PCDHA2: variants seen among roughly 807,000 people sequenced by gnomAD.
The protein encoded by PCDHA2 is protocadherin alpha 2, also known as protocadherin alpha-2.
In PCDHA2, 58 loss-of-function variants were observed where a neutral mutation model predicts 66.0. That is an observed-to-expected ratio of 0.88 (90% CI 0.71 to 1.09). The LOEUF is 1.09. PCDHA2 is among the 50% of genes least tolerant of loss of function. The pLI, the probability that PCDHA2 is intolerant of heterozygous loss-of-function variation, is 0.00. For synonymous variants in PCDHA2, 634 were observed against 554.0 expected (o/e 1.14, Z -2.03); for missense variants, 1,267 against 1,242.3 (o/e 1.02, Z -0.30).
intron 3 of PCDHA2, among the ~76,000 whole-genome samples, chr5:141,007,036 A>G (rs1018909399): frequency 4.6e-5 from 7 of 152,200 alleles, no homozygotes; most frequent in African/African-American, 1.4e-4. Context: ...ATTTATATCT[A>G]TGGATATGGC....
chr5:140,946,916 T>C (rs1554217963), intron 1 of PCDHA2, among the ~76,000 whole-genome samples: 4 of 151,468 alleles, frequency 2.6e-5, no homozygotes, highest in Non-Finnish European at 5.9e-5. Context: ...GTTCTGGTGT[T>C]TTATTGAACA....
intron 1 of PCDHA2, chr5:140,876,840 G>C: frequency 6.2e-7 from 1 of 1,614,166 alleles, no homozygotes; most frequent in Non-Finnish European, 8.5e-7. Flanking sequence ...CTGCGTTCGC[G>C]CAGCCCGAGT....
At chr5:140,870,481 A>C (rs1329928274) in intron 1 of PCDHA2, 1 of 1,614,210 alleles carries the variant, frequency 6.2e-7, no homozygotes, top group East Asian at 2.2e-5. Context: ...GCCCGAGTAC[A>C]CCGTGTTCGT....
chr5:140,812,885 GA>G (rs1466050277), intron 1 of PCDHA2: 1 of 152,092 alleles, frequency 6.6e-6, no homozygotes, highest in African/African-American at 2.4e-5. Context: ...TCATTCAAAT[GA>G]AATTTTGAAC....
At position 140,877,303 on chromosome 5, in the gene PCDHA2, T is replaced by C. The variant is rs566187421; in HGVS notation, c.2388+79951T>C. 3.5e-4 allele frequency: 564 copies of C among 1,613,850 alleles called. 6 individuals are homozygous for C. In the South Asian group the frequency reaches 5.9e-3, roughly 17 times the overall value. On this transcript the variant is annotated intron_variant, in intron 1 of 3. Transcript: ENST00000526136. ...CTATAACGCTTGGCTGTCCTACGAGTTGCAACCGGCGGCGGTCGGCGCGCA... is the reference window on the plus strand; with the variant it reads ...CTATAACGCTTGGCTGTCCTACGAGCTGCAACCGGCGGCGGTCGGCGCGCA...
chr5:140,976,952 C>T lies in PCDHA2; in HGVS notation c.2389-1997C>T, dbSNP rs183824. 1.8e-3 allele frequency among the ~76,000 whole-genome samples: 271 copies of T among 152,298 alleles called. 1 individual carries two copies. Among genetic ancestry groups the T allele is most frequent in the African/African-American group, 6.2e-3 (258 of 41,574 alleles). The stretch of plus-strand genomic sequence containing the variant: ...GTAGCTACTTAAAACATATTATATG[C>T]TTTCTTCCTTTCCTTTTCCCTGCCT... On this transcript the variant is annotated intron_variant, in intron 1 of 3. Coordinates refer to ENST00000526136, the MANE Select transcript of PCDHA2 (RefSeq NM_018905.3).
Position 140,932,319 on chromosome 5 carries a change from G to A in PCDHA2, c.2389-46630G>A, listed in dbSNP as rs60286116. Among the ~76,000 whole-genome samples the A allele has an allele frequency of 3.3e-3, 499 of 151,902 alleles. 2 individuals are homozygous for A. The highest frequency in any genetic ancestry group is 0.012 in the African/African-American group (480 of 41,512). ...TTTTTAAAGGTATAAATATATTAATGTAGCAAAAATGCATGAAACACTTAC... is the reference window on the plus strand; with the variant it reads ...TTTTTAAAGGTATAAATATATTAATATAGCAAAAATGCATGAAACACTTAC... On this transcript the variant is annotated intron_variant, in intron 1 of 3. Transcript: ENST00000526136.
chr5:140,858,703 T>C lies in PCDHA2; in HGVS notation c.2388+61351T>C, dbSNP rs918251691. 1.1e-5 allele frequency: 6 copies of C among 560,482 alleles called. 2 individuals carry two copies. The highest frequency in any genetic ancestry group is 1.8e-5 in the Non-Finnish European group (6 of 325,182). 34.7% of individuals were successfully genotyped at this position (560,482 alleles called of 1,614,324 possible). ...ACACTAATATTTTCCAATACAAATATGTGATATAGGTTGCAGTTCTGACGA... is the reference window on the plus strand; with the variant it reads ...ACACTAATATTTTCCAATACAAATACGTGATATAGGTTGCAGTTCTGACGA... On this transcript the variant is annotated intron_variant, in intron 1 of 3. Coordinates refer to ENST00000526136, the MANE Select transcript of PCDHA2 (RefSeq NM_018905.3).
chr5:140,852,008 A>G (rs566042388), intron 1 of PCDHA2: 1 of 972,776 alleles, frequency 1.0e-6, no homozygotes, highest in South Asian at 4.8e-5. Flanking sequence ...TTTCTAATTT[A>G]TAGTTTTAAA....
At position 140,978,971 on chromosome 5, in the gene PCDHA2, G is replaced by T. The variant is rs782774245; in HGVS notation, c.2411G>T (p.Trp804Leu). Residue 804 changes from tryptophan (W) to leucine (L), a missense_variant, in exon 2 of 4, where the codon TGG becomes TTG. Physicochemically the swap from Trp to Leu is moderately conservative, Grantham distance 61 (BLOSUM62 -2). Coordinates refer to ENST00000526136, the MANE Select transcript of PCDHA2 (RefSeq NM_018905.3). ...VGKPRQPNPD[W>L]RYSASLRAGM... is the part of the protein sequence containing the mutation. ...CAGCCACGACAGCCCAACCCTGACT[G>T]GCGTTACTCTGCCTCCCTGAGAGCA... The T allele has an allele frequency of 6.2e-7, 1 of 1,614,170 alleles. No individual in the cohort carries two copies. The highest frequency in any genetic ancestry group is 1.1e-5 in the South Asian group (1 of 91,076).
chr5:140,798,352 T>C (rs1312436439), intron 1 of PCDHA2, among the ~76,000 whole-genome samples: 1 of 152,204 alleles, frequency 6.6e-6, no homozygotes, highest in Non-Finnish European at 1.5e-5. Flanking sequence ...TGATAACATT[T>C]TTGAGTTATC....
At chr5:140,875,508 G>A (rs1007736035) in intron 1 of PCDHA2, 19 of 1,613,588 alleles carry the variant, frequency 1.2e-5, no homozygotes, top group Non-Finnish European at 1.6e-5. Flanking sequence ...CGGGATCCCA[G>A]CGTCTGCTGC....
chr5:140,973,388 G>T (rs1192097180), intron 1 of PCDHA2, among the ~76,000 whole-genome samples: 4 of 152,202 alleles, frequency 2.6e-5, no homozygotes, highest in South Asian at 4.1e-4. Flanking sequence ...AATAGACAAA[G>T]AAATCATATC....
At chr5:140,979,738 G>T (rs754559318) in intron 2 of PCDHA2, among the ~76,000 whole-genome samples, 10 of 152,194 alleles carry the variant, frequency 6.6e-5, no homozygotes, top group East Asian at 1.9e-4. Context: ...CCAAATAAAA[G>T]ATTCATTATT....
intron 1 of PCDHA2, chr5:140,869,225 A>G (rs2050944514): frequency 6.2e-7 from 1 of 1,613,790 alleles, no homozygotes; most frequent in African/African-American, 1.3e-5. Flanking sequence ...GAGGCCAAAC[A>G]CGGCACCTTC....
rs1222151692 is a variant in PCDHA2 at position 140,794,895 on chromosome 5, CAG to C, written c.-66_-65del. Reference sequence around the variant, plus strand: ...AATAAGAGAAGCAGCAGGACTTTAACAGAGACTAGAATATTTAAATTTTTGCA... The same window carrying C: ...AATAAGAGAAGCAGCAGGACTTTAACAGACTAGAATATTTAAATTTTTGCA... On this transcript the variant is annotated 5_prime_UTR_variant, in exon 1 of 4. Coordinates refer to ENST00000526136, the MANE Select transcript of PCDHA2 (RefSeq NM_018905.3). 2.6e-5 allele frequency: 38 copies of C among 1,474,750 alleles called. No individual in the cohort carries two copies. The African/African-American group carries it at 5.1e-4, about 20-fold the overall frequency. The allele number at this position is 1,474,750 out of a possible 1,614,324, so 91.4% of individuals were successfully genotyped here. A position where few individuals can be genotyped will look rare whatever the true frequency, so the allele number is the denominator to read the frequency against.
chr5:140,972,391 C>T (rs1554234093), intron 1 of PCDHA2, among the ~76,000 whole-genome samples: 3 of 151,490 alleles, frequency 2.0e-5, no homozygotes, highest in African/African-American at 7.3e-5. Flanking sequence ...TGTTTATTTG[C>T]TTCACTATTG....
chr5:140,841,357 G>A (rs1554138130), intron 1 of PCDHA2: 1 of 1,612,940 alleles, frequency 6.2e-7, no homozygotes, highest in South Asian at 1.1e-5. Context: ...TGGGATCCTG[G>A]CGACTACTAC....
rs782354826 is a variant in PCDHA2, at chr5:140,856,955, G to A, written c.2388+59603G>A. 3 of 1,593,892 alleles carry A rather than the reference G, an allele frequency of 1.9e-6. No individual in the cohort carries two copies. The Admixed American group carries it at 5.1e-5, about 27-fold the overall frequency. On this transcript the variant is annotated intron_variant, in intron 1 of 3. Coordinates refer to ENST00000526136, the MANE Select transcript of PCDHA2 (RefSeq NM_018905.3). Reference sequence around the variant, plus strand: ...AAACGAAAGGACGGGAGAAATAAAAGTAAATGATGCTATTGACTTTGAGGA... The same window carrying A: ...AAACGAAAGGACGGGAGAAATAAAAATAAATGATGCTATTGACTTTGAGGA...
Sources: allele counts gnomAD v4.1 joint callset (sites outside exome capture counted in the v4.1 genomes callset), GRCh38; gene constraint gnomAD v4.1.1; transcripts MANE v1.5; gene names NCBI Gene and HGNC (gene_info 2026-07-23, HGNC 2026-07-21).